The following SLC16A7 variants were observed in gnomAD, a reference collection of about 807,000 sequenced individuals.
SLC16A7 encodes solute carrier family 16 member 7.
In SLC16A7, 33 loss-of-function variants were observed where a neutral mutation model predicts 34.9. The ratio of observed to expected loss-of-function variants is 0.94; its 90% CI spans 0.72 to 1.26. The LOEUF (loss-of-function observed/expected upper bound fraction) is 1.26. Among genes scored for constraint, SLC16A7 ranks in the 50% most tolerant of loss-of-function variants. The pLI is 0.00. For missense variants in SLC16A7, 573 were observed against 578.1 expected, an observed-to-expected ratio of 0.99 and a Z score of 0.09; for synonymous variants, 201 against 206.6, an observed-to-expected ratio of 0.97 and a Z score of 0.23.
chr12:59,701,108 G>A (rs1001951190), intron 2 of SLC16A7, among the ~76,000 whole-genome samples: 1 of 151,610 alleles, frequency 6.6e-6, no homozygotes, highest in South Asian at 2.1e-4. Context: ...CTTCAAAAAT[G>A]TAATTTTAAG....
At chr12:59,704,748 T>C in intron 2 of SLC16A7, 24 bp from the exon 3 acceptor site, 1 of 1,230,806 alleles carries the variant, frequency 8.1e-7, no homozygotes. Context: ...AAATTTAAAC[T>C]GTTATTTCAT....
chr12:59,671,852 T>A (rs1421144540), intron 2 of SLC16A7, among the ~76,000 whole-genome samples: 6 of 120,810 alleles, frequency 5.0e-5, no homozygotes, highest in African/African-American at 2.0e-4. Context: ...TGTGTATATA[T>A]ATGTGTATAT....
intron 1 of SLC16A7, chr12:59,597,002 C>G (rs912103912): frequency 2.0e-5 from 3 of 152,302 alleles, no homozygotes; most frequent in Non-Finnish European, 4.4e-5. Context: ...GCGCCAGGCC[C>G]GGTCAGGTGG....
chr12:59,668,381 T>G (rs773506317), intron 2 of SLC16A7, among the ~76,000 whole-genome samples: 4 of 152,202 alleles, frequency 2.6e-5, no homozygotes, highest in Non-Finnish European at 4.4e-5. Context: ...ACCCCCCTCT[T>G]GCATCAGCAT....
intron 1 of SLC16A7, among the ~76,000 whole-genome samples, chr12:59,645,597 A>G (rs1019829114): frequency 2.0e-5 from 3 of 152,042 alleles, no homozygotes; most frequent in Non-Finnish European, 4.4e-5. Flanking sequence ...TTTCCTTTAT[A>G]TATTACCGAG....
intron 2 of SLC16A7, among the ~76,000 whole-genome samples, chr12:59,661,915 A>G (rs1868871952): frequency 6.6e-6 from 1 of 152,106 alleles, no homozygotes; most frequent in Non-Finnish European, 1.5e-5. Flanking sequence ...CTATAAGCTA[A>G]ATTTTAGCTC....
chr12:59,744,827 C>T (rs1473008900), intron 3 of SLC16A7, among the ~76,000 whole-genome samples: 1 of 152,162 alleles, frequency 6.6e-6, no homozygotes, highest in African/African-American at 2.4e-5. Flanking sequence ...AGCGCTTGCC[C>T]CAACTCCTGT....
rs1555185047 is a variant in SLC16A7 at position 59,783,653 on chromosome 12, C to CTTTCTTTCTTTCT, written c.*3977_*3978insCTTTCTTTCTTTT. On this transcript the variant is annotated 3_prime_UTR_variant, in exon 6 of 6. Coordinates refer to ENST00000547379, the MANE Select transcript of SLC16A7 (RefSeq NM_001270623.2). Reference sequence around the variant, plus strand: ...GAATATGTAATTTCTTTCTTTCTTTCTTTTTTTTTTTTTTTGAGACTGAGT... The same window carrying CTTTCTTTCTTTCT: ...GAATATGTAATTTCTTTCTTTCTTTCTTTCTTTCTTTCTTTTTTTTTTTTTTTTGAGACTGAGT... 7.9e-4 allele frequency: 111 copies of CTTTCTTTCTTTCT among 140,592 alleles called. No individual in the cohort carries two copies. Among genetic ancestry groups the CTTTCTTTCTTTCT allele is most frequent in the Middle Eastern group, 3.7e-3 (1 of 268 alleles). The allele number at this position is 140,592 out of a possible 1,614,324, so 8.7% of individuals were successfully genotyped here.
At chr12:59,729,190 A>T (rs1301264422) in intron 3 of SLC16A7, among the ~76,000 whole-genome samples, 1 of 152,176 alleles carries the variant, frequency 6.6e-6, no homozygotes, top group Non-Finnish European at 1.5e-5. Flanking sequence ...TTAGTCATTT[A>T]TTCTTCGTAT....
chr12:59,678,971 T>G (rs900556737), intron 2 of SLC16A7, among the ~76,000 whole-genome samples: 1 of 152,200 alleles, frequency 6.6e-6, no homozygotes, highest in Non-Finnish European at 1.5e-5. Flanking sequence ...CACACCCAGC[T>G]GGGTTGCAAC....
chr12:59,712,901 CA>C (rs1394501825), intron 3 of SLC16A7, among the ~76,000 whole-genome samples: 2 of 152,246 alleles, frequency 1.3e-5, no homozygotes, highest in Admixed American at 1.3e-4. Flanking sequence ...ATGATAGATA[CA>C]TGTGGTTAAG....
intron 1 of SLC16A7, among the ~76,000 whole-genome samples, chr12:59,603,960 G>C (rs1019102740): frequency 6.6e-6 from 1 of 152,196 alleles, no homozygotes; most frequent in Non-Finnish European, 1.5e-5. Context: ...GGGGCCACAT[G>C]AAATGAATCC....
intron 2 of SLC16A7, among the ~76,000 whole-genome samples, chr12:59,678,264 C>T (rs1397684010): frequency 1.3e-5 from 2 of 152,080 alleles, no homozygotes; most frequent in Non-Finnish European, 2.9e-5. Context: ...TTCTTTTAGC[C>T]CCACCATTCA....
At chr12:59,686,374 A>C (rs1871168748) in intron 2 of SLC16A7, among the ~76,000 whole-genome samples, 1 of 152,096 alleles carries the variant, frequency 6.6e-6, no homozygotes, top group Non-Finnish European at 1.5e-5. Flanking sequence ...ACTAAGATCC[A>C]GTATTATTAT....
At chr12:59,656,218 C>T (rs1411674231) in intron 2 of SLC16A7, among the ~76,000 whole-genome samples, 1 of 151,924 alleles carries the variant, frequency 6.6e-6, no homozygotes, top group Admixed American at 6.6e-5. Context: ...ATGTAGTAAA[C>T]AGAATAATGG....
chr12:59,665,138 T>C (rs2137035140), intron 2 of SLC16A7, among the ~76,000 whole-genome samples: 1 of 152,262 alleles, frequency 6.6e-6, no homozygotes, highest in South Asian at 2.1e-4. Context: ...TAAGGAGAGA[T>C]TCTGTATTGT....
chr12:59,672,629 A>T (rs933711168), intron 2 of SLC16A7, among the ~76,000 whole-genome samples: 2 of 151,868 alleles, frequency 1.3e-5, no homozygotes, highest in Non-Finnish European at 2.9e-5. Flanking sequence ...TTAGATATTT[A>T]ATTTGTTTTT....
intron 3 of SLC16A7, chr12:59,733,930 A>T (rs1383059551): frequency 7.2e-6 from 3 of 417,562 alleles, no homozygotes; most frequent in African/African-American, 6.1e-5. Context: ...CGTCTGTGTG[A>T]GTCTGGCAGA....
Position 59,780,172 on chromosome 12 carries a change from A to C in SLC16A7, c.*493A>C, listed in dbSNP as rs1310115253. 1 of 152,036 alleles carries C rather than the reference A, an allele frequency of 6.6e-6. No homozygotes were observed. The highest frequency in any genetic ancestry group is 1.9e-4 in the East Asian group (1 of 5,188). The allele number at this position is 152,036 out of a possible 1,614,324, so 9.4% of individuals were successfully genotyped here. A position where few individuals can be genotyped will look rare whatever the true frequency, so the allele number is the denominator to read the frequency against. On this transcript the variant is annotated 3_prime_UTR_variant, in exon 6 of 6. Transcript: ENST00000547379. ...CTCCCACATACTTACCCACATGTAC[A>C]CAGAGTATCTGGAGAATAAAACCCA...
Sources: allele counts gnomAD v4.1 joint callset (sites outside exome capture counted in the v4.1 genomes callset), GRCh38; gene constraint gnomAD v4.1.1; transcripts MANE v1.5; gene names NCBI Gene and HGNC (gene_info 2026-07-23, HGNC 2026-07-21).